The following TPO variants were observed in gnomAD, a reference collection of about 807,000 sequenced individuals.
TPO encodes thyroid microsomal antigen.
A neutral mutation model predicts 96.9 loss-of-function variants in TPO; 78 were observed. The observed-to-expected ratio is 0.81, with a 90% CI of 0.67 to 0.97. The LOEUF (loss-of-function observed/expected upper bound fraction) is 0.97. Ranked by LOEUF, TPO falls within the 50% of genes least tolerant of loss-of-function variation. The pLI is 0.00. For synonymous variants in TPO, 547 were observed against 538.0 expected (o/e 1.02, Z -0.23); for missense variants, 1,252 against 1,274.8 (o/e 0.98, Z 0.27).
intron 7 of TPO, among the ~76,000 whole-genome samples, chr2:1,460,906 G>A (rs752893413): frequency 1.3e-5 from 2 of 152,232 alleles, no homozygotes; most frequent in Non-Finnish European, 2.9e-5. Flanking sequence ...ATCACTGTGC[G>A]TGGGGGCTCC....
At chr2:1,471,369 A>G (rs1669391924) in intron 7 of TPO, among the ~76,000 whole-genome samples, 1 of 152,148 alleles carries the variant, frequency 6.6e-6, no homozygotes, top group Non-Finnish European at 1.5e-5. Context: ...CTTATGCTGA[A>G]AGCGAGTTGA....
At chr2:1,444,259 G>A (rs920081812) in intron 5 of TPO, among the ~76,000 whole-genome samples, 11 of 131,586 alleles carry the variant, frequency 8.4e-5, no homozygotes, top group African/African-American at 3.2e-4. Context: ...TTGTTTGTAT[G>A]ATCCAGTCAT....
At chr2:1,537,586 AT>A (rs1680104473) in intron 15 of TPO, among the ~76,000 whole-genome samples, 1 of 75,886 alleles carries the variant, frequency 1.3e-5, no homozygotes, top group South Asian at 5.1e-4. Context: ...ACACCCCCAA[AT>A]CCCCCCATTG....
At chr2:1,401,113 T>A (rs10183390) in intron 1 of TPO, among the ~76,000 whole-genome samples, 5 of 152,064 alleles carry the variant, frequency 3.3e-5, no homozygotes, top group African/African-American at 1.2e-4. Context: ...AGGCTCCCAT[T>A]AGCAGAGCCT....
rs1302825468 is a variant in TPO at position 1,542,775 on chromosome 2, C to T, written c.*301C>T. 3.0e-6 allele frequency: 2 copies of T among 674,158 alleles called. No homozygotes were observed. The highest frequency in any genetic ancestry group is 4.7e-6 in the Non-Finnish European group (2 of 425,908). 41.8% of individuals were successfully genotyped at this position (674,158 alleles called of 1,614,324 possible). On this transcript the variant is annotated 3_prime_UTR_variant, in exon 17 of 17. Transcript: ENST00000329066. ...TGGAAACACCACTCTTGCAATCCTCCTGTCTCCACCTTCTGGCATCTCTGA... is the reference window on the plus strand; with the variant it reads ...TGGAAACACCACTCTTGCAATCCTCTTGTCTCCACCTTCTGGCATCTCTGA...
rs13426289 is a variant in TPO at position 1,496,213 on chromosome 2, C to T, written c.2215+16C>T. On this transcript the variant is annotated intron_variant, in intron 12 of 16. Transcript: ENST00000329066. ...TTTCCTCAAGGTGAAGTTCGGTCTC[C>T]TCTCACACCACGTTACAGCACGTGC... 14,353 of 1,612,408 alleles carry T rather than the reference C, an allele frequency of 8.9e-3. 1,087 individuals carry two copies. In the African/African-American group the frequency reaches 0.17, roughly 19 times the overall value.
At chr2:1,495,900 A>C in intron 11 of TPO, 89 bp from the exon 12 acceptor site, 1 of 1,421,232 alleles carries the variant, frequency 7.0e-7, no homozygotes, top group East Asian at 2.5e-5. Context: ...AGAGGCTGGC[A>C]GCACACAGCT....
At chr2:1,443,130 G>A (rs1301142458) in intron 5 of TPO, among the ~76,000 whole-genome samples, 2 of 152,260 alleles carry the variant, frequency 1.3e-5, no homozygotes, top group East Asian at 3.8e-4. Context: ...AACTACTGCA[G>A]TAAACCACTG....
At chr2:1,385,320 C>G (rs1661873759) in intron 1 of TPO, among the ~76,000 whole-genome samples, 1 of 152,152 alleles carries the variant, frequency 6.6e-6, no homozygotes, top group African/African-American at 2.4e-5. Flanking sequence ...TAGAATTTGG[C>G]TGTGAATCTG....
At chr2:1,506,839 G>T (rs180806186) in intron 14 of TPO, among the ~76,000 whole-genome samples, 1 of 152,178 alleles carries the variant, frequency 6.6e-6, no homozygotes, top group Non-Finnish European at 1.5e-5. Context: ...TAGGTTGCCT[G>T]TTCAGTCTGA....
intron 5 of TPO, among the ~76,000 whole-genome samples, chr2:1,437,355 C>T (rs888412468): frequency 1.3e-5 from 2 of 152,104 alleles, no homozygotes; most frequent in African/African-American, 4.8e-5. Context: ...TGATGTTCAC[C>T]GATGCAGGCA....
intron 5 of TPO, among the ~76,000 whole-genome samples, chr2:1,447,754 C>T (rs1333398202): frequency 6.6e-6 from 1 of 152,102 alleles, no homozygotes; most frequent in East Asian, 1.9e-4. Flanking sequence ...TGTGTGAAAG[C>T]ATGTGTATAT....
At chr2:1,482,729 C>T (rs1000167228) in intron 8 of TPO, among the ~76,000 whole-genome samples, 7 of 152,182 alleles carry the variant, frequency 4.6e-5, no homozygotes, top group Admixed American at 4.6e-4. Context: ...GGCGGAAGTG[C>T]GGTGGTACAA....
At chr2:1,458,861 A>C (rs957854170) in intron 7 of TPO, among the ~76,000 whole-genome samples, 2 of 152,184 alleles carry the variant, frequency 1.3e-5, no homozygotes, top group Non-Finnish European at 2.9e-5. Flanking sequence ...TTCCCTATTA[A>C]TGAGCATGAG....
At chr2:1,438,931 C>T (rs748812899) in intron 5 of TPO, 11 of 707,276 alleles carry the variant, frequency 1.6e-5, no homozygotes, top group Non-Finnish European at 2.4e-5. Context: ...AGCTTTTCTC[C>T]AATGACGTCT....
intron 5 of TPO, chr2:1,439,149 T>A: frequency 2.9e-6 from 1 of 344,086 alleles, no homozygotes; most frequent in Non-Finnish European, 5.3e-6. Flanking sequence ...AAGGCCCTGC[T>A]GCTGTCTTGG....
intron 2 of TPO, among the ~76,000 whole-genome samples, chr2:1,419,156 C>T (rs1663249339): frequency 6.6e-6 from 1 of 152,126 alleles, no homozygotes; most frequent in Non-Finnish European, 1.5e-5. Context: ...GCCATGCGCC[C>T]CTCAGAGCAG....
chr2:1,412,385 C>A (rs1662436327), upstream of TPO, among the ~76,000 whole-genome samples: 1 of 152,172 alleles, frequency 6.6e-6, no homozygotes, highest in African/African-American at 2.4e-5. Flanking sequence ...TCTATCCAAA[C>A]CCCACCCTCC....
In TPO at chr2:1,436,906, T is replaced by C. The variant is rs1665630211; in HGVS notation, c.482+522T>C. On this transcript the variant is annotated intron_variant, in intron 5 of 16. Transcript: ENST00000329066. ...ACGCTCCCTGTTATGGCCAACACCA[T>C]CTCAGCACCCTCCTTCTCAACTCCT... 2.0e-5 allele frequency among the ~76,000 whole-genome samples: 3 copies of C among 152,126 alleles called. 1 individual carries two copies. In the South Asian group the frequency reaches 6.2e-4, roughly 32 times the overall value.
Sources: gnomAD v4.1 joint callset for allele counts (sites outside exome capture counted in the v4.1 genomes callset) on GRCh38, gnomAD v4.1.1 for gene constraint, MANE v1.5 for transcripts, NCBI Gene and HGNC (gene_info 2026-07-23, HGNC 2026-07-21) for gene names.